AP2A2: variants seen among roughly 807,000 people sequenced by gnomAD.
The protein encoded by AP2A2 is AP-2 complex subunit alpha-2.
Under a neutral mutation model 104.2 loss-of-function variants are expected in AP2A2, and 32 were observed. The observed-to-expected ratio is 0.31, with a 90% confidence interval of 0.23 to 0.41. AP2A2 has a LOEUF of 0.41. AP2A2 is among the 10% of genes least tolerant of loss of function. The probability of loss-of-function intolerance (pLI) is 1.00; values close to 1 mark genes in which losing one functional copy is unlikely to be tolerated. For synonymous variants in AP2A2, 539 were observed against 533.3 expected (o/e 1.01, Z -0.15); for missense variants, 912 against 1,261.0 (o/e 0.72, Z 4.19).
intron 15 of AP2A2, among the ~76,000 whole-genome samples, chr11:1,001,988 C>T (rs1489895629): frequency 6.6e-6 from 1 of 152,154 alleles, no homozygotes; most frequent in Non-Finnish European, 1.5e-5. Context: ...GGCGAGCCGG[C>T]TGTGGTGGCT....
intron 1 of AP2A2, among the ~76,000 whole-genome samples, chr11:955,233 C>T (rs780319734): frequency 2.5e-4 from 38 of 152,222 alleles, no homozygotes; most frequent in Non-Finnish European, 4.4e-4. Context: ...ACTGGCACAC[C>T]GCACCCAGTG....
chr11:964,807 A>G (rs7396350), intron 2 of AP2A2, among the ~76,000 whole-genome samples: 24,107 of 75,590 alleles, frequency 0.32, 4,910 homozygotes, highest in Middle Eastern at 0.46. Flanking sequence ...GAAGCGTGGA[A>G]ATGGAAAGCA....
At position 1,008,112 on chromosome 11, in the gene AP2A2, G is replaced by T. The variant is rs1000334766; in HGVS notation, c.2397G>T (p.Ala799=). ...NIECVSDFTE[A]PVLNIQFRYG... The stretch of plus-strand genomic sequence containing the variant: ...AGTGCGTGTCCGACTTCACGGAGGC[G>T]CCAGTCCTCAACATTCAGTTCAGGT... Residue 799 remains alanine (A), a synonymous_variant, in exon 18 of 22, where the codon GCG becomes GCT. Coordinates refer to ENST00000448903, the MANE Select transcript of AP2A2 (RefSeq NM_012305.4). 11 of 1,606,920 alleles carry T rather than the reference G, an allele frequency of 6.8e-6. No homozygotes were observed. The highest frequency in any genetic ancestry group is 9.3e-6 in the Non-Finnish European group (11 of 1,177,480).
chr11:1,002,287 G>A (rs541357831), intron 15 of AP2A2, among the ~76,000 whole-genome samples: 11 of 152,348 alleles, frequency 7.2e-5, no homozygotes, highest in East Asian at 1.9e-4. Context: ...CCGGGGGTGC[G>A]GTGAGCACGT....
chr11:983,829 C>G (rs777839801), intron 6 of AP2A2, among the ~76,000 whole-genome samples: 1 of 152,188 alleles, frequency 6.6e-6, no homozygotes, highest in African/African-American at 2.4e-5. Flanking sequence ...TTGGCCGTGT[C>G]TGTGTGTCAC....
chr11:960,767 C>T (rs1376435211), intron 2 of AP2A2, among the ~76,000 whole-genome samples: 3 of 151,928 alleles, frequency 2.0e-5, no homozygotes, highest in African/African-American at 7.3e-5. Context: ...ATCCACCTGC[C>T]TCAGCCTCCC....
At chr11:991,109 C>G (rs6597952) in intron 10 of AP2A2, among the ~76,000 whole-genome samples, 81,428 of 150,086 alleles carry the variant, frequency 0.54, 23,340 homozygotes, top group Middle Eastern at 0.71. Context: ...GGGTATGGTG[C>G]TCCCCTCTGT....
intron 2 of AP2A2, among the ~76,000 whole-genome samples, chr11:965,201 T>C (rs12789830): frequency 0.071 from 6,059 of 84,790 alleles, 67 homozygotes; most frequent in East Asian, 0.17. Context: ...AAGGAAATAA[T>C]CCCAGATGGA....
At chr11:986,672 G>A in intron 8 of AP2A2, 113 bp from the exon 9 acceptor site, 1 of 1,309,984 alleles carries the variant, frequency 7.6e-7, no homozygotes. Flanking sequence ...GTGGCGGTGA[G>A]TGCCGTGTGA....
rs1447026944 is a variant in AP2A2 at position 969,055 on chromosome 11, T to TC, written c.137-1111dup. On this transcript the variant is annotated intron_variant, in intron 2 of 21. Transcript: ENST00000448903. Reference sequence around the variant, plus strand: ...AGCGGCTGTCGCAGCTGGGCTGTCTTCCCAGCCTGCGTTCCTTCACGCTGT... The same window carrying TC: ...AGCGGCTGTCGCAGCTGGGCTGTCTTCCCCAGCCTGCGTTCCTTCACGCTGT... 2.0e-5 allele frequency among the ~76,000 whole-genome samples: 3 copies of TC among 151,932 alleles called. No individual in the cohort carries two copies. The East Asian group carries it at 5.8e-4, about 30-fold the overall frequency.
At chr11:941,880 C>A (rs566580584) in intron 1 of AP2A2, among the ~76,000 whole-genome samples, 5 of 152,162 alleles carry the variant, frequency 3.3e-5, no homozygotes, top group Non-Finnish European at 7.4e-5. Flanking sequence ...AACCACCATG[C>A]CCGGCCTCTC....
At chr11:998,598 C>G (rs1444444017) in intron 14 of AP2A2, among the ~76,000 whole-genome samples, 1 of 152,082 alleles carries the variant, frequency 6.6e-6, no homozygotes, top group Non-Finnish European at 1.5e-5. Context: ...GTTAGGGTGT[C>G]TTGTGTCTCT....
At chr11:1,002,437 G>A (rs1203766065) in intron 15 of AP2A2, among the ~76,000 whole-genome samples, 2 of 152,262 alleles carry the variant, frequency 1.3e-5, no homozygotes, top group Non-Finnish European at 2.9e-5. Context: ...GTGTTGCTTA[G>A]ACCACACTTG....
chr11:1,008,042 C>A lies in AP2A2; in HGVS notation c.2327C>A (p.Pro776Gln). 1 of 1,569,258 alleles carries A rather than the reference C, an allele frequency of 6.4e-7. No homozygotes were observed. The change falls in exon 18 of 22, where the codon CCG becomes CAG. Residue 776 changes from proline (P) to glutamine (Q), a missense_variant. Coordinates refer to ENST00000448903, the MANE Select transcript of AP2A2 (RefSeq NM_012305.4). ...NLNLQTKPVD[P>Q]TVEGGAQVQQ... ...AACCTGCAGACCAAGCCCGTGGACC[C>A]GACCGTGGAGGGGGGCGCGCAGGTG...
At chr11:926,128 C>T (rs762845412) in intron 1 of AP2A2, 40 bp downstream of exon 1, 42 of 1,223,042 alleles carry the variant, frequency 3.4e-5, no homozygotes, top group Non-Finnish European at 4.0e-5. Context: ...GCCGGGGCCG[C>T]CGGCGGAGAC....
intron 1 of AP2A2, among the ~76,000 whole-genome samples, chr11:945,404 G>A (rs2134500474): frequency 6.6e-6 from 1 of 152,268 alleles, no homozygotes; most frequent in Non-Finnish European, 1.5e-5. Flanking sequence ...TATGATCTCA[G>A]CTCACTGCAA....
intron 1 of AP2A2, among the ~76,000 whole-genome samples, chr11:959,154 CA>C (rs1410496478): frequency 1.3e-5 from 2 of 152,226 alleles, no homozygotes; most frequent in African/African-American, 4.8e-5. Context: ...TGCTGTGGAG[CA>C]CCCCCTGGGT....
chr11:976,678 G>A (rs1216242614), intron 4 of AP2A2, among the ~76,000 whole-genome samples: 2 of 152,080 alleles, frequency 1.3e-5, no homozygotes, highest in African/African-American at 2.4e-5. Flanking sequence ...TGTTCAGGGT[G>A]GGGCGTGGTG....
chr11:959,361 T>C (rs1023852454), intron 1 of AP2A2, 76 bp from the exon 2 acceptor site: 1 of 1,012,734 alleles, frequency 9.9e-7, no homozygotes, highest in African/African-American at 1.6e-5. Flanking sequence ...GAGTTCTGAG[T>C]GTCAGTCTTA....
Sources: gnomAD v4.1 joint callset for allele counts (sites outside exome capture counted in the v4.1 genomes callset) on GRCh38, gnomAD v4.1.1 for gene constraint, MANE v1.5 for transcripts, NCBI Gene and HGNC (gene_info 2026-07-23, HGNC 2026-07-21) for gene names.